Variants in ZFHX3 observed in about 807,000 individuals in gnomAD.
ZFHX3 encodes the protein zinc finger homeobox protein 3.
In ZFHX3, 42 loss-of-function variants were observed where a neutral mutation model predicts 279.1. That is an observed-to-expected ratio of 0.15 (90% CI 0.12 to 0.19). ZFHX3 has a LOEUF of 0.19. Among genes scored for constraint, ZFHX3 ranks in the 10% least tolerant of loss-of-function variants. The pLI is 1.00. For missense variants in ZFHX3, 4,981 were observed against 4,754.0 expected (o/e 1.05, Z -1.40); for synonymous variants, 2,293 against 1,957.8 (o/e 1.17, Z -4.52).
chr16:73,471,220 TGC>T (rs2018660239), intron 2 of ZFHX3, among the ~76,000 whole-genome samples: 1 of 152,212 alleles, frequency 6.6e-6, no homozygotes, highest in Non-Finnish European at 1.5e-5. Flanking sequence ...GTACAGCTTT[TGC>T]TCTTGGGCTG....
At chr16:73,231,676 T>C (rs1402539243) in intron 5 of ZFHX3, among the ~76,000 whole-genome samples, 1 of 152,244 alleles carries the variant, frequency 6.6e-6, no homozygotes, top group Non-Finnish European at 1.5e-5. Context: ...TGTCTAAGTC[T>C]ACGCCACTTC....
intron 1 of ZFHX3, among the ~76,000 whole-genome samples, chr16:72,989,872 G>A (rs1963008838): frequency 6.6e-6 from 1 of 152,152 alleles, no homozygotes; most frequent in South Asian, 2.1e-4. Flanking sequence ...GCACCCAAGG[G>A]GTGGAAATTC....
At position 72,794,436 on chromosome 16, in the gene ZFHX3, G is replaced by A. The variant is rs774192226; in HGVS notation, c.8246C>T (p.Ala2749Val). The A allele has an allele frequency of 8.1e-6, 13 of 1,613,586 alleles. No individual in the cohort carries two copies. Among genetic ancestry groups the A allele is most frequent in the African/African-American group, 2.7e-5 (2 of 74,884 alleles). ...TCCCCCATCACAGTCTAAGAGCATC[G>A]CAGACAGAGTTAGGTTGTAGCCAGC... ...KRAGYNLTLS[A>V]MLLDCDGGLQ... The change falls in exon 9 of 10, where the codon GCG (alanine) becomes GTG (valine). Residue 2749 changes from alanine to valine, a missense_variant. Transcript: ENST00000268489. The surrounding 1 kb of genome is among the most constrained non-coding windows in gnomAD (Gnocchi z 4.2).
intron 3 of ZFHX3, among the ~76,000 whole-genome samples, chr16:73,404,605 G>A (rs2017323081): frequency 6.6e-6 from 1 of 152,146 alleles, no homozygotes; most frequent in African/African-American, 2.4e-5. Flanking sequence ...GTTAATAGAT[G>A]CCATCTGTTG....
chr16:73,867,094 C>G (rs1458933410), intron 1 of ZFHX3, among the ~76,000 whole-genome samples: 2 of 152,090 alleles, frequency 1.3e-5, no homozygotes, highest in Non-Finnish European at 2.9e-5. Flanking sequence ...TGTAGACAGC[C>G]TGGAACTGCC....
intron 4 of ZFHX3, among the ~76,000 whole-genome samples, chr16:72,853,940 A>T (rs2037682567): frequency 6.6e-6 from 1 of 151,806 alleles, no homozygotes; most frequent in Non-Finnish European, 1.5e-5. Flanking sequence ...GTTTATTAGC[A>T]TCCTTGAGAA....
chr16:73,147,136 A>G (rs147573156), intron 5 of ZFHX3, among the ~76,000 whole-genome samples: 9 of 152,336 alleles, frequency 5.9e-5, no homozygotes, highest in East Asian at 1.9e-4. Flanking sequence ...GGCCATGCCA[A>G]TATGGTATGA....
chr16:72,934,151 C>T (rs1447314406), intron 3 of ZFHX3, among the ~76,000 whole-genome samples: 2 of 152,142 alleles, frequency 1.3e-5, no homozygotes, highest in African/African-American at 2.4e-5. Context: ...GTAGGCTAGG[C>T]GTGATGGCTC....
chr16:73,795,710 C>T (rs900220917), intron 1 of ZFHX3, among the ~76,000 whole-genome samples: 1 of 152,176 alleles, frequency 6.6e-6, no homozygotes, highest in Non-Finnish European at 1.5e-5. Context: ...TGACATTGAT[C>T]ATCAATCCCT....
At chr16:73,657,081 A>G (rs1380898826) in intron 2 of ZFHX3, among the ~76,000 whole-genome samples, 4 of 152,268 alleles carry the variant, frequency 2.6e-5, no homozygotes. Context: ...TTTAGTATAC[A>G]AACATACAAA....
chr16:73,503,404 G>A (rs1038284502), intron 2 of ZFHX3, among the ~76,000 whole-genome samples: 2 of 152,162 alleles, frequency 1.3e-5, no homozygotes, highest in African/African-American at 4.8e-5. Flanking sequence ...ACATAGAAGG[G>A]ATCTGTCTGA....
chr16:73,118,836 G>C (rs1028913973), intron 7 of ZFHX3, among the ~76,000 whole-genome samples: 2 of 152,062 alleles, frequency 1.3e-5, no homozygotes, highest in Non-Finnish European at 2.9e-5. Flanking sequence ...GACATTTTTT[G>C]GTTGCTACCC....
intron 3 of ZFHX3, among the ~76,000 whole-genome samples, chr16:73,411,723 C>G (rs974049392): frequency 4.6e-5 from 7 of 152,076 alleles, no homozygotes; most frequent in African/African-American, 1.2e-4. Flanking sequence ...TATTTTGAAC[C>G]CTGGGTGGAC....
In ZFHX3 at chr16:73,490,102, A is replaced by G. The variant is rs905550383; in HGVS notation, c.-1546-33844T>C. On this transcript the variant is annotated intron_variant, in intron 2 of 17. Coordinates refer to the ZFHX3 transcript ENST00000641206. ...GCTATTCAAATACTTGTGGAAGAAT[A>G]TCTTAAAACCTTTACATTTCACGTC... 5.9e-5 allele frequency among the ~76,000 whole-genome samples: 9 copies of G among 152,382 alleles called. No individual in the cohort carries two copies. In the East Asian group the frequency reaches 1.7e-3, roughly 29 times the overall value.
intron 7 of ZFHX3, among the ~76,000 whole-genome samples, chr16:73,111,248 T>C (rs1486136849): frequency 6.6e-6 from 1 of 152,174 alleles, no homozygotes; most frequent in Non-Finnish European, 1.5e-5. Flanking sequence ...GCCAGCATTT[T>C]TCTATTATCC....
intron 1 of ZFHX3, among the ~76,000 whole-genome samples, chr16:73,706,607 C>T (rs2053307593): frequency 6.6e-6 from 1 of 152,174 alleles, no homozygotes; most frequent in African/African-American, 2.4e-5. Flanking sequence ...TCTCTCATCA[C>T]AGCCCTTCCC....
chr16:73,274,585 A>G (rs1189219080), intron 4 of ZFHX3, among the ~76,000 whole-genome samples: 2 of 152,210 alleles, frequency 1.3e-5, no homozygotes, highest in Non-Finnish European at 2.9e-5. Flanking sequence ...CTATTTATTA[A>G]GTAATTCATC....
At chr16:73,205,139 C>A (rs1347374446) in intron 5 of ZFHX3, among the ~76,000 whole-genome samples, 2 of 152,232 alleles carry the variant, frequency 1.3e-5, no homozygotes, top group East Asian at 3.9e-4. Flanking sequence ...CTGGACCATA[C>A]TCTTGAGTGA....
At chr16:73,254,359 C>T (rs183823202) in intron 5 of ZFHX3, among the ~76,000 whole-genome samples, 1 of 152,052 alleles carries the variant, frequency 6.6e-6, no homozygotes, top group Non-Finnish European at 1.5e-5. Context: ...TGCAATACAT[C>T]TCTTGCATGT....
Sources: allele counts gnomAD v4.1 joint callset (sites outside exome capture counted in the v4.1 genomes callset), GRCh38; gene constraint gnomAD v4.1.1; non-coding constraint Gnocchi (gnomAD v3.1); transcripts MANE v1.5; gene names NCBI Gene and HGNC (gene_info 2026-07-23, HGNC 2026-07-21).